Variants in PREX1 observed in about 807,000 individuals in gnomAD.
PREX1 encodes phosphatidylinositol-3,4,5-trisphosphate dependent Rac exchange factor 1.
In PREX1, 41 loss-of-function variants were observed where a neutral mutation model predicts 198.3. The ratio of observed to expected loss-of-function variants is 0.21; its 90% confidence interval spans 0.16 to 0.27. The LOEUF is 0.27. Ranked by LOEUF, PREX1 falls within the 10% of genes least tolerant of loss-of-function variation. The pLI is 1.00. For synonymous variants in PREX1, 843 were observed against 887.2 expected, an observed-to-expected ratio of 0.95 and a Z score of 0.89; for missense variants, 1,620 against 2,200.7, an observed-to-expected ratio of 0.74 and a Z score of 5.28.
At chr20:48,706,462 G>GTTCA (rs2089903106) in intron 6 of PREX1, among the ~76,000 whole-genome samples, 1 of 152,200 alleles carries the variant, frequency 6.6e-6, no homozygotes, top group African/African-American at 2.4e-5. Flanking sequence ...TGCTCTTGAA[G>GTTCA]TTCAAAGTGG....
At chr20:48,779,893 T>C (rs1474305411) in intron 1 of PREX1, among the ~76,000 whole-genome samples, 5 of 152,206 alleles carry the variant, frequency 3.3e-5, no homozygotes, top group Non-Finnish European at 5.9e-5. Flanking sequence ...TGAGAGTGTT[T>C]TTTGGGTGAT....
intron 6 of PREX1, among the ~76,000 whole-genome samples, chr20:48,701,400 G>A (rs1454407909): frequency 5.9e-5 from 9 of 152,092 alleles, no homozygotes; most frequent in Non-Finnish European, 1.3e-4. Context: ...TTTTAGAAGA[G>A]ACAGGGTTTC....
chr20:48,871,797 A>G, the PREX1 span, among the ~76,000 whole-genome samples: 1 of 143,160 alleles, frequency 7.0e-6, no homozygotes, highest in Non-Finnish European at 1.5e-5. Flanking sequence ...GACACAAAAT[A>G]TATACCTTTA....
intron 1 of PREX1, among the ~76,000 whole-genome samples, chr20:48,826,867 A>T (rs6012539): frequency 0.031 from 4,668 of 152,204 alleles, 235 homozygotes; most frequent in African/African-American, 0.11. Context: ...TCAAAAAAAA[A>T]TTTTTTTAAT....
chr20:48,683,320 CTCTGCCCTACGTT>C (rs1475570852), intron 10 of PREX1, among the ~76,000 whole-genome samples: 1 of 152,240 alleles, frequency 6.6e-6, no homozygotes, highest in Non-Finnish European at 1.5e-5. Context: ...AGGACAGCAA[CTCTGCCCTACGTT>C]TCTGCCCAAA....
intron 3 of PREX1, among the ~76,000 whole-genome samples, chr20:48,744,030 TGATGA>T (rs1568847364): frequency 6.7e-6 from 1 of 149,048 alleles, no homozygotes; most frequent in East Asian, 2.0e-4. Flanking sequence ...ATGATGATGA[TGATGA>T]GTTAACAGTG....
In PREX1 at chr20:48,649,578, T is replaced by G; in HGVS notation, c.3029-2A>C. 1 of 1,582,764 alleles carries G rather than the reference T, an allele frequency of 6.3e-7. No individual in the cohort carries two copies. The highest frequency in any genetic ancestry group is 8.6e-7 in the Non-Finnish European group (1 of 1,162,832). On this transcript the variant is annotated splice_acceptor_variant, in intron 24 of 39. Transcript: ENST00000371941. LOFTEE classifies it high-confidence loss of function. The stretch of plus-strand genomic sequence containing the variant: ...TGTACGACATGGGGTTCAGGTGGCC[T>G]GCAGTGGAGGAAGAGAGAGCTCACT...
chr20:48,637,333 G>A (rs2089372496), intron 31 of PREX1, among the ~76,000 whole-genome samples: 1 of 152,210 alleles, frequency 6.6e-6, no homozygotes, highest in Non-Finnish European at 1.5e-5. Flanking sequence ...TAGAAAGAAG[G>A]CAGGGATAGA....
chr20:48,659,780 C>T (rs117408919), intron 16 of PREX1, 139 bp downstream of exon 16: 83,920 of 1,200,334 alleles, frequency 0.07, 3,305 homozygotes, highest in Non-Finnish European at 0.08. Flanking sequence ...GGCAGAGTTG[C>T]CCCCTACCAC....
intron 27 of PREX1, among the ~76,000 whole-genome samples, chr20:48,643,622 G>A (rs1568797805): frequency 6.6e-6 from 1 of 152,204 alleles, no homozygotes; most frequent in East Asian, 1.9e-4. Flanking sequence ...GTCATTTCTG[G>A]GGGAGATGAT....
intron 7 of PREX1, among the ~76,000 whole-genome samples, chr20:48,699,845 C>G (rs1362615733): frequency 6.6e-6 from 1 of 152,156 alleles, no homozygotes. Flanking sequence ...CCACACATGC[C>G]CCCAGCTTTC....
chr20:48,704,541 T>TTTCCTTCC (rs1248774359), intron 6 of PREX1, among the ~76,000 whole-genome samples: 2 of 150,532 alleles, frequency 1.3e-5, no homozygotes, highest in Non-Finnish European at 2.9e-5. Context: ...CCTTCCTTCC[T>TTTCCTTCC]TTCCTTCCTT....
chr20:48,628,685 T>G (rs570804033), intron 37 of PREX1, among the ~76,000 whole-genome samples: 1 of 152,232 alleles, frequency 6.6e-6, no homozygotes, highest in Admixed American at 6.5e-5. Flanking sequence ...CTAGGTGAGA[T>G]CCCCTAAAAT....
chr20:48,828,166 C>G (rs1034779576), upstream of PREX1, among the ~76,000 whole-genome samples: 1 of 150,632 alleles, frequency 6.6e-6, no homozygotes, highest in Admixed American at 6.6e-5. Context: ...TCTGCGCGTG[C>G]ACGGGGCCCC....
chr20:48,660,896 C>T (rs1162461847), intron 15 of PREX1, among the ~76,000 whole-genome samples: 1 of 152,216 alleles, frequency 6.6e-6, no homozygotes, highest in African/African-American at 2.4e-5. Context: ...GGAAATGATG[C>T]TGAGACACTT....
At chr20:48,777,595 G>T (rs1419308738) in intron 1 of PREX1, among the ~76,000 whole-genome samples, 2 of 152,202 alleles carry the variant, frequency 1.3e-5, no homozygotes, top group South Asian at 4.1e-4. Context: ...GAGGTTAACA[G>T]TCTCAAGGTA....
At chr20:48,867,080 C>G in the PREX1 span, among the ~76,000 whole-genome samples, 2 of 152,164 alleles carry the variant, frequency 1.3e-5, no homozygotes, top group Non-Finnish European at 2.9e-5. Flanking sequence ...GAAAAGGGAA[C>G]CTCCCACTGC....
rs2089534918 is a variant in PREX1, at chr20:48,655,361, G to C, written c.2138C>G (p.Pro713Arg). The C allele has an allele frequency of 6.3e-7, 1 of 1,586,114 alleles. No individual in the cohort carries two copies. Among genetic ancestry groups the C allele is most frequent in the Non-Finnish European group, 8.6e-7 (1 of 1,163,418 alleles). Residue 713 changes from proline (P) to arginine (R), a missense_variant, in exon 19 of 40, where the codon CCC becomes CGC. By Grantham distance (103) the Pro-to-Arg change is moderately radical. This residue lies in a region of PREX1 where 514 missense variants were observed against 611.6 expected (regional missense o/e 0.84). Transcript: ENST00000371941. Reference sequence around the variant, plus strand: ...GAAGCACAGTGTGTCCGGCTGGTCGGGGATTTTGATGATCCTGCACCAGGT... The same window carrying C: ...GAAGCACAGTGTGTCCGGCTGGTCGCGGATTTTGATGATCCTGCACCAGGT... ...ATKAKEIIKI[P>R]DQPDTLCFQI...
At chr20:48,796,940 T>C (rs559508930) in intron 1 of PREX1, among the ~76,000 whole-genome samples, 3 of 152,152 alleles carry the variant, frequency 2.0e-5, no homozygotes, top group Admixed American at 1.3e-4. Flanking sequence ...GTGGTTACTT[T>C]TGGGGATACT....
Sources: allele counts gnomAD v4.1 joint callset (sites outside exome capture counted in the v4.1 genomes callset), GRCh38; gene constraint gnomAD v4.1.1; regional missense constraint gnomAD v4.1.1; transcripts MANE v1.5; gene names NCBI Gene and HGNC (gene_info 2026-07-23, HGNC 2026-07-21).